The following CEP57 variants were observed in gnomAD, a reference collection of about 807,000 sequenced individuals.
CEP57 encodes the protein centrosomal protein of 57 kDa.
A neutral mutation model predicts 68.0 loss-of-function variants in CEP57; 40 were observed. The ratio of observed to expected loss-of-function variants is 0.59; its 90% CI spans 0.46 to 0.77. CEP57 has a LOEUF of 0.77. CEP57 is among the 30% of genes least tolerant of loss of function. CEP57 has a pLI of 0.00. For synonymous variants in CEP57, 219 were observed against 198.7 expected (o/e 1.10, Z -0.86); for missense variants, 606 against 580.7 (o/e 1.04, Z -0.45).
intron 2 of CEP57, among the ~76,000 whole-genome samples, chr11:95,812,568 G>A (rs1166859165): frequency 2.0e-5 from 3 of 151,374 alleles, no homozygotes; most frequent in African/African-American, 4.9e-5. Context: ...TCAGCCTCCC[G>A]AGTAGCTGGG....
chr11:95,817,299 G>A (rs983672986), intron 4 of CEP57, among the ~76,000 whole-genome samples: 3 of 151,940 alleles, frequency 2.0e-5, no homozygotes, highest in Admixed American at 6.5e-5. Context: ...CCTGGGAGGC[G>A]GAGCTTGCGG....
intron 2 of CEP57, among the ~76,000 whole-genome samples, chr11:95,804,994 A>C (rs1025431619): frequency 3.9e-5 from 6 of 152,226 alleles, no homozygotes; most frequent in Non-Finnish European, 7.3e-5. Context: ...AAGAATACAT[A>C]AAACAAAAGT....
chr11:95,791,592 A>T (rs1024982577), intron 1 of CEP57, among the ~76,000 whole-genome samples: 1 of 152,236 alleles, frequency 6.6e-6, no homozygotes, highest in African/African-American at 2.4e-5. Context: ...AAAAACACTG[A>T]AGAGAAACTA....
intron 2 of CEP57, among the ~76,000 whole-genome samples, chr11:95,812,423 T>A (rs687529): frequency 0.28 from 42,220 of 151,994 alleles, 7,054 homozygotes; most frequent in Non-Finnish European, 0.38. Flanking sequence ...GTCTTTTTTT[T>A]AATTTATTAT....
chr11:95,824,699 ATAAG>A (rs1428803322), intron 8 of CEP57, among the ~76,000 whole-genome samples: 2 of 152,218 alleles, frequency 1.3e-5, no homozygotes, highest in South Asian at 2.1e-4. Context: ...AAGGATATTT[ATAAG>A]TAAGGAGGAC....
At chr11:95,830,915 A>T in intron 10 of CEP57, 111 bp from the exon 11 acceptor site, 1 of 709,152 alleles carries the variant, frequency 1.4e-6, no homozygotes, top group Non-Finnish European at 2.4e-6. Flanking sequence ...ATTATTTTTC[A>T]GTTAGCATGA....
intron 2 of CEP57, among the ~76,000 whole-genome samples, chr11:95,808,398 C>T (rs1258031815): frequency 6.6e-6 from 1 of 152,064 alleles, no homozygotes; most frequent in African/African-American, 2.4e-5. Flanking sequence ...AGGCTAAATG[C>T]TCCAATTAAA....
chr11:95,804,448 A>G (rs1043546657), intron 2 of CEP57, among the ~76,000 whole-genome samples: 2 of 152,178 alleles, frequency 1.3e-5, no homozygotes, highest in African/African-American at 4.8e-5. Flanking sequence ...ACAGTAGCAG[A>G]GATGATGGAA....
rs768090594 is a variant in CEP57 at position 95,827,946 on chromosome 11, C to T, written c.1046C>T (p.Thr349Ile). 3.7e-6 allele frequency: 6 copies of T among 1,613,962 alleles called. No individual in the cohort carries two copies. The Admixed American group carries it at 1.0e-4, about 27-fold the overall frequency. ...GGTAAAAGTAAGAAGTTGTCAGTAACACCTCCCTCCTCCAACGGTATTAAT... is the reference window on the plus strand; with the variant it reads ...GGTAAAAGTAAGAAGTTGTCAGTAATACCTCCCTCCTCCAACGGTATTAAT... Reference protein sequence around the residue: ...RGGKSKKLSVTPPSSNGINEE... With the variant: ...RGGKSKKLSVIPPSSNGINEE... Residue 349 changes from threonine to isoleucine, a missense_variant, in exon 9 of 11, where the codon ACA becomes ATA. Thr to Ile is a moderately conservative substitution (Grantham distance 89, BLOSUM62 -1). Coordinates refer to ENST00000325542, the MANE Select transcript of CEP57 (RefSeq NM_014679.5).
intron 1 of CEP57, among the ~76,000 whole-genome samples, chr11:95,793,251 G>T (rs989100306): frequency 2.6e-5 from 4 of 152,212 alleles, no homozygotes; most frequent in African/African-American, 9.7e-5. Context: ...GGTGGAAAAG[G>T]CAGGAAAGCA....
rs1274278584 is a variant in CEP57 at position 95,832,093 on chromosome 11, CT to C, written c.*841del. The C allele has an allele frequency of 1.3e-5, 2 of 152,044 alleles. No individual in the cohort carries two copies. Among genetic ancestry groups the C allele is most frequent in the Non-Finnish European group, 2.9e-5 (2 of 67,996 alleles). 9.4% of individuals were successfully genotyped at this position (152,044 alleles called of 1,614,324 possible). A position where few individuals can be genotyped will look rare whatever the true frequency, so the allele number is the denominator to read the frequency against. ...ACTTAGAGAACCCTTTGAATATTTG[CT>C]TTTACTGGTGTACAGTATGAGTGGA... On this transcript the variant is annotated 3_prime_UTR_variant, in exon 11 of 11. Transcript: ENST00000325542.
intron 6 of CEP57, among the ~76,000 whole-genome samples, chr11:95,820,652 TAATG>T (rs1274634231): frequency 6.9e-6 from 1 of 145,944 alleles, no homozygotes; most frequent in African/African-American, 2.5e-5. Context: ...GAATAAAAAA[TAATG>T]AAAGTGCTTT....
Position 95,790,545 on chromosome 11 carries a change from C to A in CEP57, c.-154C>A. On this transcript the variant is annotated 5_prime_UTR_variant, in exon 1 of 11. Coordinates refer to ENST00000325542, the MANE Select transcript of CEP57 (RefSeq NM_014679.5). The stretch of plus-strand genomic sequence containing the variant: ...TAGGCGGCCCTGAGGGGGTGTGTTG[C>A]AGGGGTTTCCAAGCCCAGCACCAGC... 1 of 825,648 alleles carries A rather than the reference C, an allele frequency of 1.2e-6. No homozygotes were observed. The highest frequency in any genetic ancestry group is 1.5e-5 in the South Asian group (1 of 65,904). The allele number at this position is 825,648 out of a possible 1,614,324, so 51.1% of individuals were successfully genotyped here. A position where few individuals can be genotyped will look rare whatever the true frequency, so the allele number is the denominator to read the frequency against.
chr11:95,801,070 G>C (rs1336100594), intron 2 of CEP57, among the ~76,000 whole-genome samples: 2 of 152,016 alleles, frequency 1.3e-5, no homozygotes. Flanking sequence ...AACATTTTTT[G>C]TTTCAGTTGG....
intron 9 of CEP57, 48 bp from the exon 10 acceptor site, chr11:95,829,139 A>T (rs1262320693): frequency 6.2e-7 from 1 of 1,606,384 alleles, no homozygotes; most frequent in Non-Finnish European, 8.5e-7. Context: ...AGACCTAACC[A>T]TGAAACACAG....
chr11:95,832,241 TTTCC>T lies in CEP57; in HGVS notation c.*988_*991del, dbSNP rs1407494862. On this transcript the variant is annotated 3_prime_UTR_variant, in exon 11 of 11. Coordinates refer to ENST00000325542, the MANE Select transcript of CEP57 (RefSeq NM_014679.5). ...ACCTTTTTAAAGGAAACACTGCAACTTTCCTTAACAGCCTGTTAATAAAGGCTTT... is the reference window on the plus strand; with the variant it reads ...ACCTTTTTAAAGGAAACACTGCAACTTTAACAGCCTGTTAATAAAGGCTTT... 1.3e-5 allele frequency: 2 copies of T among 152,150 alleles called. No homozygotes were observed. Among genetic ancestry groups the T allele is most frequent in the Admixed American group, 6.5e-5 (1 of 15,268 alleles). 9.4% of individuals were successfully genotyped at this position (152,150 alleles called of 1,614,324 possible). A position where few individuals can be genotyped will look rare whatever the true frequency, so the allele number is the denominator to read the frequency against.
intron 1 of CEP57, among the ~76,000 whole-genome samples, chr11:95,796,318 C>A (rs1478754170): frequency 1.3e-5 from 2 of 152,144 alleles, no homozygotes; most frequent in African/African-American, 2.4e-5. Flanking sequence ...TGCCTTTAAT[C>A]CTGAAAGTTT....
chr11:95,815,081 C>A (rs993859061), intron 4 of CEP57: 1 of 152,190 alleles, frequency 6.6e-6, no homozygotes, highest in Admixed American at 6.5e-5. Flanking sequence ...ATTCAACCAT[C>A]CTTTTTTGTT....
intron 7 of CEP57, 66 bp downstream of exon 7, chr11:95,822,044 A>G (rs982513458): frequency 9.5e-6 from 10 of 1,048,000 alleles, no homozygotes; most frequent in Non-Finnish European, 1.5e-5. Context: ...CAAAACACCC[A>G]TAAACTGTGT....
Sources: gnomAD v4.1 joint callset for allele counts (sites outside exome capture counted in the v4.1 genomes callset) on GRCh38, gnomAD v4.1.1 for gene constraint, MANE v1.5 for transcripts, NCBI Gene and HGNC (gene_info 2026-07-23, HGNC 2026-07-21) for gene names.